Variants in CDH12 observed in about 807,000 individuals in gnomAD.
CDH12 encodes the protein cadherin 12, also known as cadherin-12.
Under a neutral mutation model 74.1 loss-of-function variants are expected in CDH12, and 41 were observed. The observed-to-expected ratio is 0.55, with a 90% CI of 0.43 to 0.72. CDH12 has a LOEUF of 0.72. Ranked by LOEUF, CDH12 falls within the 30% of genes least tolerant of loss-of-function variation. The pLI is 0.00. For missense variants in CDH12, 945 were observed against 977.2 expected, an observed-to-expected ratio of 0.97 and a Z score of 0.44; for synonymous variants, 399 against 355.0, an observed-to-expected ratio of 1.12 and a Z score of -1.39.
intron 1 of CDH12, among the ~76,000 whole-genome samples, chr5:22,781,744 G>A (rs968820661): frequency 1.9e-4 from 29 of 152,122 alleles, no homozygotes; most frequent in Non-Finnish European, 2.9e-5. Flanking sequence ...GGATGGTGAG[G>A]GGAGGGATCC....
In CDH12 at chr5:22,202,058, G is replaced by T. The variant is rs577719029; in HGVS notation, c.-187+10440C>A. The stretch of plus-strand genomic sequence containing the variant: ...TGAGACGGTAAAGAGAGAAGACATA[G>T]AAAAGGTTTTGAGGCGAGATTAGGG... On this transcript the variant is annotated intron_variant, in intron 4 of 14. Coordinates refer to ENST00000382254, the MANE Select transcript of CDH12 (RefSeq NM_004061.5). Among the ~76,000 whole-genome samples, 237 of 152,088 alleles carry T rather than the reference G, an allele frequency of 1.6e-3. 3 individuals carry two copies. Among genetic ancestry groups the T allele is most frequent in the African/African-American group, 5.5e-3 (230 of 41,488 alleles).
chr5:22,577,221 G>A (rs571910322), intron 1 of CDH12, among the ~76,000 whole-genome samples: 7 of 152,266 alleles, frequency 4.6e-5, no homozygotes, highest in African/African-American at 1.7e-4. Context: ...ATAAAAAAAC[G>A]GGTTAAGCAT....
intron 1 of CDH12, among the ~76,000 whole-genome samples, chr5:22,614,574 T>C (rs970363338): frequency 6.6e-6 from 1 of 152,046 alleles, no homozygotes; most frequent in Non-Finnish European, 1.5e-5. Context: ...TAAGGAAATA[T>C]AAAACATGTC....
At chr5:21,971,861 T>G (rs1378351220) in intron 6 of CDH12, among the ~76,000 whole-genome samples, 1 of 152,178 alleles carries the variant, frequency 6.6e-6, no homozygotes, top group Non-Finnish European at 1.5e-5. Context: ...AAATATTACT[T>G]CCCTGGAATA....
At chr5:21,756,592 G>T (rs571868143) in intron 13 of CDH12, among the ~76,000 whole-genome samples, 1 of 152,058 alleles carries the variant, frequency 6.6e-6, no homozygotes, top group East Asian at 1.9e-4. Flanking sequence ...GTGCTCTTTT[G>T]CATGCATTTG....
chr5:22,655,056 G>A (rs186243915), intron 1 of CDH12, among the ~76,000 whole-genome samples: 1 of 152,028 alleles, frequency 6.6e-6, no homozygotes, highest in South Asian at 2.1e-4. Flanking sequence ...TTCCCTTATC[G>A]TGACAAAAAT....
At chr5:22,711,472 C>T (rs1372638100) in intron 1 of CDH12, among the ~76,000 whole-genome samples, 1 of 152,050 alleles carries the variant, frequency 6.6e-6, no homozygotes. Flanking sequence ...AAGGGTATTG[C>T]TAAGAAACAA....
chr5:21,915,925 G>T (rs970317632), intron 6 of CDH12, among the ~76,000 whole-genome samples: 5 of 137,746 alleles, frequency 3.6e-5, no homozygotes, highest in African/African-American at 1.3e-4. Flanking sequence ...AAGACCTAGA[G>T]GGAGGGGTAG....
At chr5:22,418,557 A>C (rs1743497863) in intron 2 of CDH12, among the ~76,000 whole-genome samples, 1 of 152,074 alleles carries the variant, frequency 6.6e-6, no homozygotes, top group Admixed American at 6.6e-5. Context: ...ATTTTTGCCC[A>C]TTCAGTATGA....
rs1742243481 is a variant in CDH12 at position 22,391,446 on chromosome 5, A to G, written c.-333+13811T>C. Among the ~76,000 whole-genome samples, 5 of 152,186 alleles carry G rather than the reference A, an allele frequency of 3.3e-5. No homozygotes were observed. The South Asian group carries it at 1.0e-3, about 32-fold the overall frequency. On this transcript the variant is annotated intron_variant, in intron 3 of 14. Transcript: ENST00000382254. ...CAAAACAACAAAATTTGGGTTTACT[A>G]GCTTTTTTTAATGTTGAGGCCATAT...
chr5:22,425,484 A>G (rs1428712147), intron 2 of CDH12, among the ~76,000 whole-genome samples: 1 of 151,790 alleles, frequency 6.6e-6, no homozygotes, highest in Non-Finnish European at 1.5e-5. Context: ...TGCTAAAAAT[A>G]GTTTGAACTA....
rs1193579720 is a variant in CDH12 at position 22,466,792 on chromosome 5, T to C, written c.-428+38478A>G. On this transcript the variant is annotated intron_variant, in intron 2 of 14. Transcript: ENST00000382254. ...CTCAGGAATCTTTTTTTTTTTTTTT[T>C]TTTTTTTTTTTTTTTGAGACGTTGT... is the stretch of plus-strand genomic sequence containing the variant. Among the ~76,000 whole-genome samples, 35 of 130,786 alleles carry C rather than the reference T, an allele frequency of 2.7e-4. No homozygotes were observed. In the Admixed American group the frequency reaches 2.7e-3, roughly 10 times the overall value. 85.8% of individuals were successfully genotyped at this position (130,786 alleles called of 152,430 possible).
At chr5:22,484,721 C>T (rs1449475534) in intron 2 of CDH12, among the ~76,000 whole-genome samples, 5 of 152,138 alleles carry the variant, frequency 3.3e-5, no homozygotes, top group Non-Finnish European at 7.3e-5. Flanking sequence ...GAAACATTTG[C>T]CATCCCTCCT....
At chr5:22,520,324 G>A (rs1455260881) in intron 1 of CDH12, among the ~76,000 whole-genome samples, 3 of 152,128 alleles carry the variant, frequency 2.0e-5, no homozygotes. Flanking sequence ...GATTGGTAGA[G>A]TTGCATAATA....
rs377462864 is a variant in CDH12, at chr5:22,351,643, GA to G, written c.-333+53613del. Among the ~76,000 whole-genome samples the G allele has an allele frequency of 8.8e-4, 134 of 152,062 alleles. 1 individual carries two copies. In the Middle Eastern group the frequency reaches 0.01, roughly 12 times the overall value. On this transcript the variant is annotated intron_variant, in intron 3 of 14. Coordinates refer to ENST00000382254, the MANE Select transcript of CDH12 (RefSeq NM_004061.5). ...CGTGTCTCACCAATTTATACTAATT[GA>G]AAAAAATCATAGTTGCAGAATTTAT...
chr5:22,634,290 A>T (rs1367300195), intron 1 of CDH12, among the ~76,000 whole-genome samples: 1 of 152,178 alleles, frequency 6.6e-6, no homozygotes, highest in African/African-American at 2.4e-5. Context: ...AGAGGCAGAA[A>T]TTAACAGATT....
At chr5:22,786,295 C>A (rs920179776) in intron 1 of CDH12, among the ~76,000 whole-genome samples, 6 of 152,136 alleles carry the variant, frequency 3.9e-5, no homozygotes, top group Admixed American at 2.6e-4. Flanking sequence ...AGGGGAATAA[C>A]ATATAATAGG....
intron 3 of CDH12, among the ~76,000 whole-genome samples, chr5:22,309,402 T>C (rs1738282109): frequency 6.6e-6 from 1 of 152,126 alleles, no homozygotes; most frequent in Non-Finnish European, 1.5e-5. Context: ...AAAGTATGGA[T>C]ATATTGACTA....
chr5:22,341,252 G>C (rs1274237154), intron 3 of CDH12, among the ~76,000 whole-genome samples: 1 of 152,110 alleles, frequency 6.6e-6, no homozygotes, highest in Non-Finnish European at 1.5e-5. Context: ...GTATAAGTGA[G>C]GTAGGAGAAT....
Sources: gnomAD v4.1 joint callset for allele counts (sites outside exome capture counted in the v4.1 genomes callset) on GRCh38, gnomAD v4.1.1 for gene constraint, MANE v1.5 for transcripts, NCBI Gene and HGNC (gene_info 2026-07-23, HGNC 2026-07-21) for gene names.